Variants in PLXDC2 observed in about 807,000 individuals in gnomAD.
PLXDC2 encodes the protein plexin domain-containing protein 2.
A neutral mutation model predicts 68.9 loss-of-function variants in PLXDC2; 40 were observed. The ratio of observed to expected loss-of-function variants is 0.58; its 90% confidence interval spans 0.45 to 0.76. PLXDC2 has a LOEUF of 0.76. PLXDC2 is among the 30% of genes least tolerant of loss of function. The pLI is 0.00. For synonymous variants in PLXDC2, 243 were observed against 234.2 expected (o/e 1.04, Z -0.34); for missense variants, 644 against 661.9 (o/e 0.97, Z 0.30).
At chr10:20,195,068 C>A (rs1834819664) in intron 9 of PLXDC2, among the ~76,000 whole-genome samples, 1 of 151,904 alleles carries the variant, frequency 6.6e-6, no homozygotes, top group Non-Finnish European at 1.5e-5. Context: ...GTGAAGTGAA[C>A]AAATGATTTC....
At chr10:19,955,694 A>G (rs963143357) in intron 1 of PLXDC2, among the ~76,000 whole-genome samples, 2 of 152,188 alleles carry the variant, frequency 1.3e-5, no homozygotes, top group African/African-American at 4.8e-5. Context: ...CCCAGCTTAA[A>G]AAAAAAAGAA....
intron 12 of PLXDC2, among the ~76,000 whole-genome samples, chr10:20,230,264 T>C (rs11011894): frequency 6.6e-6 from 1 of 151,892 alleles, no homozygotes; most frequent in Non-Finnish European, 1.5e-5. Context: ...TAGAAAAATA[T>C]GTACACTGCA....
At chr10:20,035,632 G>A (rs991556371) in intron 2 of PLXDC2, among the ~76,000 whole-genome samples, 2 of 152,192 alleles carry the variant, frequency 1.3e-5, no homozygotes, top group South Asian at 4.1e-4. Context: ...GGAGGTGGAA[G>A]TTGCAGTGAG....
intron 4 of PLXDC2, among the ~76,000 whole-genome samples, chr10:20,068,616 A>T (rs371945112): frequency 2.7e-5 from 4 of 147,542 alleles, no homozygotes; most frequent in East Asian, 2.0e-4. Context: ...TATATATATT[A>T]TATATATATA....
At chr10:19,875,468 C>A (rs2131346280) in intron 1 of PLXDC2, among the ~76,000 whole-genome samples, 1 of 152,164 alleles carries the variant, frequency 6.6e-6, no homozygotes, top group Non-Finnish European at 1.5e-5. Flanking sequence ...TTTTGAATAA[C>A]CTAGTTAGGA....
At chr10:19,914,039 G>A (rs575652781) in intron 1 of PLXDC2, among the ~76,000 whole-genome samples, 2 of 150,406 alleles carry the variant, frequency 1.3e-5, no homozygotes, top group South Asian at 4.2e-4. Context: ...AGGGAAGGAA[G>A]GAAGCAGGCA....
Position 19,817,024 on chromosome 10 carries a change from G to A in PLXDC2, c.-56G>A. 2.9e-6 allele frequency: 4 copies of A among 1,356,422 alleles called. No individual in the cohort carries two copies. Among genetic ancestry groups the A allele is most frequent in the Non-Finnish European group, 4.1e-6 (4 of 979,978 alleles). 84.0% of individuals were successfully genotyped at this position (1,356,422 alleles called of 1,614,324 possible). A position where few individuals can be genotyped will look rare whatever the true frequency, so the allele number is the denominator to read the frequency against. On this transcript the variant is annotated 5_prime_UTR_variant, in exon 1 of 14. Coordinates refer to ENST00000377252, the MANE Select transcript of PLXDC2 (RefSeq NM_032812.9). ...CCCGGTCGTGCCTATTGCATCGGGA[G>A]CCCCCGAGCACCGGCGAAGGACTGG...
chr10:19,997,322 A>C (rs376211377), intron 1 of PLXDC2, among the ~76,000 whole-genome samples: 15 of 152,226 alleles, frequency 9.9e-5, no homozygotes, highest in African/African-American at 3.1e-4. Context: ...ATCTTAGCCA[A>C]ATATTTTCAT....
intron 1 of PLXDC2, among the ~76,000 whole-genome samples, chr10:19,891,522 T>C (rs370428062): frequency 3.3e-5 from 5 of 152,182 alleles, no homozygotes; most frequent in African/African-American, 7.2e-5. Context: ...TTCTGAGCTG[T>C]GCTCCTTAAC....
chr10:20,219,180 A>G lies in PLXDC2; in HGVS notation c.1312+78A>G. On this transcript the variant is annotated intron_variant, in intron 12 of 13. Coordinates refer to ENST00000377252, the MANE Select transcript of PLXDC2 (RefSeq NM_032812.9). ...CATTTATTTTACTATGAGAAAGGCA[A>G]TACGGGCTTCTAGATAAAAGGTGAG... 2.1e-6 allele frequency: 3 copies of G among 1,425,078 alleles called. No homozygotes were observed. In the Admixed American group the frequency reaches 6.1e-5, roughly 29 times the overall value. 88.3% of individuals were successfully genotyped at this position (1,425,078 alleles called of 1,614,324 possible).
At chr10:19,987,508 C>CT (rs1287363900) in intron 1 of PLXDC2, among the ~76,000 whole-genome samples, 2 of 151,548 alleles carry the variant, frequency 1.3e-5, no homozygotes, top group Non-Finnish European at 2.9e-5. Flanking sequence ...ACTTGCCATC[C>CT]TTTTTTTACT....
chr10:20,103,950 C>T (rs375646982), intron 4 of PLXDC2, among the ~76,000 whole-genome samples: 165 of 152,048 alleles, frequency 1.1e-3, no homozygotes, highest in African/African-American at 3.8e-3. Flanking sequence ...GCTGACACAT[C>T]TTTTATAAGA....
At chr10:20,015,890 A>T (rs1835201939) in intron 2 of PLXDC2, among the ~76,000 whole-genome samples, 1 of 152,212 alleles carries the variant, frequency 6.6e-6, no homozygotes, top group Admixed American at 6.5e-5. Context: ...CTTATTGGCA[A>T]ATTTGCCCTC....
Position 20,094,414 on chromosome 10 carries a change from G to T in PLXDC2, c.541+26175G>T, listed in dbSNP as rs771498335. ...CTAATACACAACCTCATATGGGTTT[G>T]ATTTTCTGTCCAGGCTTAGACAAGA... On this transcript the variant is annotated intron_variant, in intron 4 of 13. Coordinates refer to ENST00000377252, the MANE Select transcript of PLXDC2 (RefSeq NM_032812.9). Among the ~76,000 whole-genome samples the T allele has an allele frequency of 4.6e-5, 7 of 151,874 alleles. No individual in the cohort carries two copies. The East Asian group carries it at 7.7e-4, about 17-fold the overall frequency.
chr10:20,095,463 A>C (rs1307900480), intron 4 of PLXDC2, among the ~76,000 whole-genome samples: 1 of 152,230 alleles, frequency 6.6e-6, no homozygotes, highest in Non-Finnish European at 1.5e-5. Flanking sequence ...AGGAGCATAC[A>C]TAAGAACTAT....
intron 1 of PLXDC2, among the ~76,000 whole-genome samples, chr10:19,975,624 T>G (rs1376522631): frequency 6.6e-6 from 1 of 152,202 alleles, no homozygotes; most frequent in African/African-American, 2.4e-5. Context: ...AGCTGAGAAG[T>G]TTCAGATATT....
chr10:20,140,812 A>G (rs1471505343), intron 4 of PLXDC2, among the ~76,000 whole-genome samples: 1 of 152,092 alleles, frequency 6.6e-6, no homozygotes, highest in Non-Finnish European at 1.5e-5. Context: ...TATTCCCTGA[A>G]TTAGTAAAAT....
At chr10:19,916,071 G>A (rs1045865004) in intron 1 of PLXDC2, among the ~76,000 whole-genome samples, 5 of 151,362 alleles carry the variant, frequency 3.3e-5, no homozygotes, top group African/African-American at 1.2e-4. Flanking sequence ...GTAAGAATGT[G>A]AGCCGCATCA....
intron 6 of PLXDC2, among the ~76,000 whole-genome samples, chr10:20,161,037 C>G (rs549003572): frequency 6.6e-6 from 1 of 152,158 alleles, no homozygotes; most frequent in Non-Finnish European, 1.5e-5. Context: ...ATGAGCAATA[C>G]TACCTCATTT....
Sources: gnomAD v4.1 joint callset for allele counts (sites outside exome capture counted in the v4.1 genomes callset) on GRCh38, gnomAD v4.1.1 for gene constraint, MANE v1.5 for transcripts, NCBI Gene and HGNC (gene_info 2026-07-23, HGNC 2026-07-21) for gene names.